The following GFPT1 variants were observed in gnomAD, a reference collection of about 807,000 sequenced individuals.
The protein encoded by GFPT1 is glutamine--fructose-6-phosphate aminotransferase [isomerizing] 1.
A neutral mutation model predicts 92.0 loss-of-function variants in GFPT1; 40 were observed. The observed-to-expected ratio is 0.43, with a 90% CI of 0.34 to 0.57. GFPT1 has a LOEUF of 0.57. Ranked by LOEUF, GFPT1 falls within the 20% of genes least tolerant of loss-of-function variation. GFPT1 has a pLI of 0.02. For synonymous variants in GFPT1, 269 were observed against 280.6 expected, an observed-to-expected ratio of 0.96 and a Z score of 0.41; for missense variants, 448 against 869.1, an observed-to-expected ratio of 0.52 and a Z score of 6.09.
intron 12 of GFPT1, among the ~76,000 whole-genome samples, chr2:69,345,530 G>A (rs1394932549): frequency 6.6e-6 from 1 of 152,120 alleles, no homozygotes; most frequent in Non-Finnish European, 1.5e-5. Context: ...TTTTAACTAT[G>A]TTTAAATGTA....
Position 69,324,369 on chromosome 2 carries a change from C to T in GFPT1, c.*1820G>A, listed in dbSNP as rs151131951. ...ACCCACACAAATTGTGTTTGTAAAA[C>T]GTTAATATACAAAACATAAGAAATG... On this transcript the variant is annotated 3_prime_UTR_variant, in exon 20 of 20. Transcript: ENST00000357308. 3.9e-5 allele frequency: 6 copies of T among 152,108 alleles called. No homozygotes were observed. The East Asian group carries it at 7.7e-4, about 20-fold the overall frequency. 9.4% of individuals were successfully genotyped at this position (152,108 alleles called of 1,614,324 possible).
At chr2:69,340,259 C>G (rs1670911339) in intron 13 of GFPT1, among the ~76,000 whole-genome samples, 1 of 149,188 alleles carries the variant, frequency 6.7e-6, no homozygotes, top group South Asian at 2.1e-4. Flanking sequence ...AATTCCTGGT[C>G]TCAAGTGATC....
intron 15 of GFPT1, among the ~76,000 whole-genome samples, chr2:69,337,520 C>A (rs561974217): frequency 1.3e-5 from 2 of 152,022 alleles, no homozygotes; most frequent in African/African-American, 4.8e-5. Context: ...TTTCAAATTC[C>A]AGACTATACT....
intron 1 of GFPT1, among the ~76,000 whole-genome samples, chr2:69,374,986 C>T (rs550508757): frequency 1.2e-4 from 18 of 152,212 alleles, no homozygotes; most frequent in African/African-American, 4.3e-4. Context: ...ACATAACAAC[C>T]CTTGAAAATT....
At chr2:69,330,129 C>T (rs1574042599) in intron 15 of GFPT1, among the ~76,000 whole-genome samples, 1 of 152,000 alleles carries the variant, frequency 6.6e-6, no homozygotes, top group Admixed American at 6.6e-5. Flanking sequence ...CACTTGAGCC[C>T]GGGAGGCAGA....
chr2:69,367,344 T>TTTGTTGTTGTTGTTG (rs144120046), intron 3 of GFPT1, among the ~76,000 whole-genome samples: 7 of 150,360 alleles, frequency 4.7e-5, no homozygotes, highest in African/African-American at 1.7e-4. Flanking sequence ...CAACTTATTT[T>TTTGTTGTTGTTGTTG]TTGTTGTTGT....
intron 12 of GFPT1, among the ~76,000 whole-genome samples, chr2:69,344,186 C>CAAAAAAAAAAAAAAAAAAAAAAAAA (rs10602884): frequency 4.7e-5 from 3 of 64,494 alleles, no homozygotes; most frequent in Non-Finnish European, 8.3e-5. Flanking sequence ...AAAAGCAAAG[C>CAAAAAAAAAAAAAAAAAAAAAAAAA]AAAAAAAAAA....
At position 69,344,952 on chromosome 2, in the gene GFPT1, G is replaced by A. The variant is rs541078268; in HGVS notation, c.1105+952C>T. On this transcript the variant is annotated intron_variant, in intron 12 of 19. Transcript: ENST00000357308. Reference sequence around the variant, plus strand: ...CCAGCCAAAAGTACTTTTTAAAACCGTGAACTTCCCAAAGTTTGTCTCATT... The same window carrying A: ...CCAGCCAAAAGTACTTTTTAAAACCATGAACTTCCCAAAGTTTGTCTCATT... 5.6e-4 allele frequency among the ~76,000 whole-genome samples: 85 copies of A among 152,120 alleles called. 1 individual carries two copies. Among genetic ancestry groups the A allele is most frequent in the African/African-American group, 1.9e-3 (79 of 41,508 alleles).
At chr2:69,334,926 A>T (rs891233267) in intron 15 of GFPT1, among the ~76,000 whole-genome samples, 10 of 152,196 alleles carry the variant, frequency 6.6e-5, no homozygotes, top group Admixed American at 6.5e-4. Context: ...AGCCAAATGA[A>T]TTTACTAAAA....
At chr2:69,385,264 T>C (rs1672104649) in intron 1 of GFPT1, among the ~76,000 whole-genome samples, 1 of 152,154 alleles carries the variant, frequency 6.6e-6, no homozygotes, top group East Asian at 1.9e-4. Flanking sequence ...TGCTCTTTTT[T>C]ACCCAGGCTG....
At chr2:69,342,552 T>C (rs1367287115) in intron 12 of GFPT1, among the ~76,000 whole-genome samples, 5 of 152,188 alleles carry the variant, frequency 3.3e-5, no homozygotes, top group Admixed American at 3.3e-4. Context: ...GAAAGTTATC[T>C]TAAAGGCAAA....
At chr2:69,340,737 G>A (rs959595678) in intron 13 of GFPT1, among the ~76,000 whole-genome samples, 2 of 151,960 alleles carry the variant, frequency 1.3e-5, no homozygotes, top group African/African-American at 4.8e-5. Context: ...TAAACCACAG[G>A]GGGATTTCTA....
At chr2:69,365,344 C>T (rs1671585174) in intron 3 of GFPT1, among the ~76,000 whole-genome samples, 1 of 151,968 alleles carries the variant, frequency 6.6e-6, no homozygotes, top group African/African-American at 2.4e-5. Context: ...TGGTAGCACA[C>T]GCCTGTAATC....
intron 15 of GFPT1, among the ~76,000 whole-genome samples, chr2:69,330,851 T>C (rs1197226573): frequency 6.6e-6 from 1 of 152,162 alleles, no homozygotes; most frequent in Non-Finnish European, 1.5e-5. Context: ...TTGAGCAGTT[T>C]TCATCTCTTT....
chr2:69,358,001 A>G (rs1438116621), intron 6 of GFPT1, among the ~76,000 whole-genome samples: 1 of 152,222 alleles, frequency 6.6e-6, no homozygotes, highest in Non-Finnish European at 1.5e-5. Context: ...GGGAATAACT[A>G]ATCCTCCATC....
intron 1 of GFPT1, among the ~76,000 whole-genome samples, chr2:69,385,326 A>G (rs1373000794): frequency 6.6e-6 from 1 of 152,100 alleles, no homozygotes; most frequent in East Asian, 1.9e-4. Context: ...CCTGGGTTCA[A>G]GCAATTCTCC....
chr2:69,342,489 T>A (rs996401361), intron 12 of GFPT1, among the ~76,000 whole-genome samples: 8 of 152,212 alleles, frequency 5.3e-5, no homozygotes, highest in African/African-American at 1.9e-4. Context: ...CCCACACAAT[T>A]ACAGTATTTA....
At chr2:69,369,917 G>T in intron 3 of GFPT1, 84 bp downstream of exon 3, 1 of 827,958 alleles carries the variant, frequency 1.2e-6, no homozygotes, top group Non-Finnish European at 2.1e-6. Context: ...CAAAATATGG[G>T]GGGAGGGAGT....
intron 6 of GFPT1, 23 bp downstream of exon 6, chr2:69,358,306 T>TG (rs759137381): frequency 1.2e-5 from 19 of 1,595,694 alleles, no homozygotes; most frequent in Admixed American, 1.7e-5. Context: ...GGCATAATTA[T>TG]CTTTAAAAAT....
Sources: gnomAD v4.1 joint callset for allele counts (sites outside exome capture counted in the v4.1 genomes callset) on GRCh38, gnomAD v4.1.1 for gene constraint, MANE v1.5 for transcripts, NCBI Gene and HGNC (gene_info 2026-07-23, HGNC 2026-07-21) for gene names.